The following CRPPA variants were observed in gnomAD, a reference collection of about 807,000 sequenced individuals.
The protein encoded by CRPPA is CDP-L-ribitol pyrophosphorylase A, also known as D-ribitol-5-phosphate cytidylyltransferase.
In CRPPA, 43 loss-of-function variants were observed where a neutral mutation model predicts 52.0. The observed-to-expected ratio is 0.83, with a 90% CI of 0.65 to 1.07. The LOEUF (loss-of-function observed/expected upper bound fraction) is 1.07. CRPPA is among the 50% of genes least tolerant of loss of function. CRPPA has a pLI of 0.00. For synonymous variants in CRPPA, 250 were observed against 203.5 expected (o/e 1.23, Z -1.94); for missense variants, 629 against 551.7 (o/e 1.14, Z -1.40).
rs527290978 is a variant in CRPPA at position 16,277,953 on chromosome 7, G to A, written c.933+176C>T. Among the ~76,000 whole-genome samples the A allele has an allele frequency of 3.6e-4, 55 of 152,210 alleles. 1 individual carries two copies. In the South Asian group the frequency reaches 4.8e-3, roughly 13 times the overall value. Reference sequence around the variant, plus strand: ...AAATCCACAAAAGGAATGAAAAGGGGGATGGAGTATGTTTCAGATCCTAAG... The same window carrying A: ...AAATCCACAAAAGGAATGAAAAGGGAGATGGAGTATGTTTCAGATCCTAAG... On this transcript the variant is annotated intron_variant, in intron 6 of 9. Transcript: ENST00000407010.
intron 9 of CRPPA, among the ~76,000 whole-genome samples, chr7:16,146,174 C>T (rs987288697): frequency 4.0e-5 from 6 of 151,100 alleles, no homozygotes; most frequent in African/African-American, 9.7e-5. Flanking sequence ...AATCAAAGTA[C>T]TGAGAAAATA....
chr7:16,111,410 C>G (rs560171019), intron 9 of CRPPA, among the ~76,000 whole-genome samples: 39 of 152,224 alleles, frequency 2.6e-4, no homozygotes, highest in African/African-American at 8.4e-4. Flanking sequence ...TTCTGAAATC[C>G]CACTTCTGGA....
chr7:16,397,600 CGT>C (rs935950199), intron 2 of CRPPA, among the ~76,000 whole-genome samples: 17 of 152,130 alleles, frequency 1.1e-4, no homozygotes, highest in African/African-American at 2.9e-4. Flanking sequence ...AGATTACTGA[CGT>C]GTGACACGTG....
At chr7:16,189,157 T>A (rs1781559388) in intron 9 of CRPPA, among the ~76,000 whole-genome samples, 1 of 152,116 alleles carries the variant, frequency 6.6e-6, no homozygotes, top group African/African-American at 2.4e-5. Context: ...TACATGTAGA[T>A]CATCAGGACT....
intron 6 of CRPPA, chr7:16,270,087 T>C (rs1035469510): frequency 6.6e-6 from 1 of 152,192 alleles, no homozygotes; most frequent in African/African-American, 2.4e-5. Context: ...ATTTACTTTA[T>C]GTGTAAAATC....
intron 5 of CRPPA, among the ~76,000 whole-genome samples, chr7:16,285,367 T>C (rs1461976356): frequency 1.3e-5 from 2 of 152,176 alleles, no homozygotes; most frequent in African/African-American, 4.8e-5. Context: ...ATTAGACTGA[T>C]ATTAGCCTCT....
At chr7:16,190,863 C>T (rs1325528815) in intron 9 of CRPPA, among the ~76,000 whole-genome samples, 2 of 152,024 alleles carry the variant, frequency 1.3e-5, no homozygotes, top group African/African-American at 2.4e-5. Context: ...GAAAACATGA[C>T]GTTTGGTTTT....
intron 5 of CRPPA, among the ~76,000 whole-genome samples, chr7:16,291,752 T>TA (rs199851314): frequency 1.1e-4 from 17 of 148,634 alleles, no homozygotes; most frequent in African/African-American, 1.5e-4. Context: ...GTCCTCAAAG[T>TA]AAAAAAAAAA....
At chr7:16,385,961 G>C (rs768948950) in intron 2 of CRPPA, among the ~76,000 whole-genome samples, 37 of 152,280 alleles carry the variant, frequency 2.4e-4, no homozygotes, top group Non-Finnish European at 3.5e-4. Flanking sequence ...AGCCCCAGTG[G>C]GCATGCATGT....
At chr7:16,091,850 T>C (rs925677597) in intron 9 of CRPPA, 51 bp from the exon 10 acceptor site, 2 of 1,112,962 alleles carry the variant, frequency 1.8e-6, no homozygotes, top group South Asian at 3.4e-5. Flanking sequence ...ATATGCCATG[T>C]GTTAAGTTTG....
intron 6 of CRPPA, 148 bp from the exon 7 acceptor site, chr7:16,259,160 G>A: frequency 1.8e-6 from 1 of 543,156 alleles, no homozygotes; most frequent in Non-Finnish European, 3.2e-6. Flanking sequence ...AAGTTCATCA[G>A]GCTATCAAGA....
At chr7:16,118,682 G>C (rs1413596344) in intron 9 of CRPPA, among the ~76,000 whole-genome samples, 1 of 152,178 alleles carries the variant, frequency 6.6e-6, no homozygotes, top group Non-Finnish European at 1.5e-5. Context: ...ACTGTTAGCT[G>C]TGACGTCTGC....
At chr7:16,176,096 G>C (rs112363597) in intron 9 of CRPPA, among the ~76,000 whole-genome samples, 31 of 152,212 alleles carry the variant, frequency 2.0e-4, no homozygotes, top group African/African-American at 7.5e-4. Flanking sequence ...ACACCCTGAA[G>C]ATATTAAGCT....
chr7:16,417,654 A>C (rs376860457), intron 1 of CRPPA, among the ~76,000 whole-genome samples: 39 of 152,248 alleles, frequency 2.6e-4, no homozygotes, highest in Middle Eastern at 3.4e-3. Flanking sequence ...GGGAGGGGGC[A>C]AAGGTTGAAA....
chr7:16,131,441 T>C (rs764279518), intron 9 of CRPPA, among the ~76,000 whole-genome samples: 9 of 152,176 alleles, frequency 5.9e-5, no homozygotes, highest in African/African-American at 1.2e-4. Context: ...GAAAGGTGAT[T>C]CTTGTTATAA....
chr7:16,383,377 C>T (rs987723135), intron 2 of CRPPA, among the ~76,000 whole-genome samples: 1 of 152,204 alleles, frequency 6.6e-6, no homozygotes, highest in Non-Finnish European at 1.5e-5. Flanking sequence ...GAGTACCCGG[C>T]CGTGTGAGGT....
chr7:16,208,643 C>T (rs1782030863), intron 9 of CRPPA, among the ~76,000 whole-genome samples: 1 of 152,090 alleles, frequency 6.6e-6, no homozygotes, highest in South Asian at 2.1e-4. Flanking sequence ...GTGTGTCCCA[C>T]CCTTATCAAA....
chr7:16,105,102 G>A (rs542886862), intron 9 of CRPPA, among the ~76,000 whole-genome samples: 1 of 152,130 alleles, frequency 6.6e-6, no homozygotes, highest in Non-Finnish European at 1.5e-5. Flanking sequence ...AGATTTTGTG[G>A]AAGTCATTAT....
At chr7:16,332,707 A>G (rs1017539879) in intron 3 of CRPPA, among the ~76,000 whole-genome samples, 4 of 152,152 alleles carry the variant, frequency 2.6e-5, no homozygotes, top group African/African-American at 9.7e-5. Context: ...AAATTAAAAA[A>G]CAAGGCAGAA....
Sources: allele counts gnomAD v4.1 joint callset (sites outside exome capture counted in the v4.1 genomes callset), GRCh38; gene constraint gnomAD v4.1.1; transcripts MANE v1.5; gene names NCBI Gene and HGNC (gene_info 2026-07-23, HGNC 2026-07-21).